ZBTB1: variants seen among roughly 807,000 people sequenced by gnomAD.
The protein encoded by ZBTB1 is zinc finger and BTB domain-containing protein 1.
Under a neutral mutation model 51.6 loss-of-function variants are expected in ZBTB1, and 13 were observed. The ratio of observed to expected loss-of-function variants is 0.25; its 90% CI spans 0.16 to 0.40. The LOEUF (loss-of-function observed/expected upper bound fraction) is 0.40. Among genes scored for constraint, ZBTB1 ranks in the 10% least tolerant of loss-of-function variants. The pLI, the probability that ZBTB1 is intolerant of heterozygous loss-of-function variation, is 1.00. For synonymous variants in ZBTB1, 240 were observed against 282.2 expected (o/e 0.85, Z 1.50); for missense variants, 567 against 856.5 (o/e 0.66, Z 4.22).
rs1228523268 is a variant in ZBTB1, at chr14:64,524,833, A to AT, written c.*1193dup. 9.1e-6 allele frequency: 9 copies of AT among 984,026 alleles called. No homozygotes were observed. Among genetic ancestry groups the AT allele is most frequent in the African/African-American group, 3.5e-5 (2 of 57,186 alleles). The allele number at this position is 984,026 out of a possible 1,614,324, so 61.0% of individuals were successfully genotyped here. A position where few individuals can be genotyped will look rare whatever the true frequency, so the allele number is the denominator to read the frequency against. On this transcript the variant is annotated 3_prime_UTR_variant, in exon 2 of 2. Transcript: ENST00000683701. ...AGTATATCAATGGAAACAGTTTATC[A>AT]TTTTTTCAGTTAAAGTAGTAGTATT...
chr14:64,506,761 A>C (rs2140075023), intron 1 of ZBTB1, among the ~76,000 whole-genome samples: 1 of 152,302 alleles, frequency 6.6e-6, no homozygotes, highest in East Asian at 1.9e-4. Flanking sequence ...TCCCACTCCT[A>C]ATACGATGGC....
At chr14:64,515,607 G>A (rs1279052649) in intron 1 of ZBTB1, among the ~76,000 whole-genome samples, 3 of 149,110 alleles carry the variant, frequency 2.0e-5, no homozygotes, top group East Asian at 2.0e-4. Context: ...TGTAAGCTCC[G>A]CCTCCCGAGT....
chr14:64,512,553 ATAT>A (rs2079736325), intron 1 of ZBTB1, among the ~76,000 whole-genome samples: 1 of 152,202 alleles, frequency 6.6e-6, no homozygotes, highest in South Asian at 2.1e-4. Context: ...GCCACCATTT[ATAT>A]TATTGTTTCT....
chr14:64,505,009 CCG>C (rs1257905936), intron 1 of ZBTB1, 63 bp downstream of exon 1: 1 of 388,714 alleles, frequency 2.6e-6, no homozygotes, highest in African/African-American at 2.1e-5. Flanking sequence ...GGGCGACGGG[CCG>C]CGGGCCTGGC....
intron 1 of ZBTB1, among the ~76,000 whole-genome samples, chr14:64,506,112 A>G (rs555311155): frequency 3.4e-4 from 52 of 152,368 alleles, no homozygotes; most frequent in Admixed American, 5.2e-4. Context: ...GGCTTGAATG[A>G]TGGCTGGCCA....
Position 64,524,528 on chromosome 14 carries a change from G to C in ZBTB1, c.*882G>C. 2.0e-6 allele frequency: 2 copies of C among 978,542 alleles called. No homozygotes were observed. The highest frequency in any genetic ancestry group is 2.4e-6 in the Non-Finnish European group (2 of 823,808). The allele number at this position is 978,542 out of a possible 1,614,324, so 60.6% of individuals were successfully genotyped here. A position where few individuals can be genotyped will look rare whatever the true frequency, so the allele number is the denominator to read the frequency against. The stretch of plus-strand genomic sequence containing the variant: ...TAAATAGACTTTAATAGCTCTCTAA[G>C]AATATGACCTCTAAAGGAAAAGATG... On this transcript the variant is annotated 3_prime_UTR_variant, in exon 2 of 2. Transcript: ENST00000683701.
Position 64,521,647 on chromosome 14 carries a change from A to G in ZBTB1, c.143A>G (p.Tyr48Cys). 2 of 1,614,190 alleles carry G rather than the reference A, an allele frequency of 1.2e-6. No homozygotes were observed. Among genetic ancestry groups the G allele is most frequent in the East Asian group, 2.2e-5 (1 of 44,886 alleles). ...HKAVLAACSS[Y>C]FRMFFMNHQH... ...GCAGTTCTAGCTGCCTGTAGCTCCTATTTTAGAATGTTTTTCATGAACCAT... is the reference window on the plus strand; with the variant it reads ...GCAGTTCTAGCTGCCTGTAGCTCCTGTTTTAGAATGTTTTTCATGAACCAT... Residue 48 changes from tyrosine to cysteine, a missense_variant, in exon 2 of 2, where the codon TAT (tyrosine) becomes TGT (cysteine). Physicochemically the swap from Tyr to Cys is radical, Grantham distance 194 (BLOSUM62 -2). This residue lies in a region of ZBTB1 where 69 missense variants were observed against 136.4 expected (regional missense o/e 0.51). Coordinates refer to ENST00000683701, the MANE Select transcript of ZBTB1 (RefSeq NM_001123329.2).
chr14:64,508,108 T>A (rs1191215644), intron 1 of ZBTB1, among the ~76,000 whole-genome samples: 1 of 152,148 alleles, frequency 6.6e-6, no homozygotes, highest in Admixed American at 6.5e-5. Flanking sequence ...TGTGAAGAAG[T>A]TGATGATGAT....
At chr14:64,515,444 C>CA (rs1247395369) in intron 1 of ZBTB1, among the ~76,000 whole-genome samples, 2 of 149,546 alleles carry the variant, frequency 1.3e-5, no homozygotes, top group South Asian at 2.1e-4. Context: ...ATAAAGAGGT[C>CA]AAAAAAATGA....
chr14:64,510,801 T>G (rs185134323), intron 1 of ZBTB1, among the ~76,000 whole-genome samples: 114 of 152,326 alleles, frequency 7.5e-4, no homozygotes, highest in African/African-American at 2.7e-3. Context: ...TGATTTTTCT[T>G]CTTCATGAAT....
At chr14:64,512,940 ATTGCCTG>A (rs758108326) in intron 1 of ZBTB1, among the ~76,000 whole-genome samples, 1 of 152,134 alleles carries the variant, frequency 6.6e-6, no homozygotes, top group African/African-American at 2.4e-5. Flanking sequence ...TTAGAGTCAT[ATTGCCTG>A]TGTTCTAATC....
rs763667390 is a variant in ZBTB1 at position 64,523,235 on chromosome 14, G to A, written c.1731G>A (p.Lys577=). Residue 577 remains lysine, a synonymous_variant, in exon 2 of 2, where the codon AAG becomes AAA. Coordinates refer to ENST00000683701, the MANE Select transcript of ZBTB1 (RefSeq NM_001123329.2). This position sits in a 1 kb window ranked among gnomAD's most constrained non-coding sequence, Gnocchi z 4.5. Reference sequence around the variant, plus strand: ...AAAATGAAAGAGATCACAGACGAAAGCATTTTTGTAATCTGTGTGGAAAAG... The same window carrying A: ...AAAATGAAAGAGATCACAGACGAAAACATTTTTGTAATCTGTGTGGAAAAG... ...MEENERDHRR[K]HFCNLCGKGF... 1 of 1,614,162 alleles carries A rather than the reference G, an allele frequency of 6.2e-7. No individual in the cohort carries two copies. The highest frequency in any genetic ancestry group is 1.1e-5 in the South Asian group (1 of 91,084).
chr14:64,523,854 T>C lies in ZBTB1; in HGVS notation c.*208T>C, dbSNP rs1230088565. 8.0e-7 allele frequency: 1 copy of C among 1,248,482 alleles called. No homozygotes were observed. Among genetic ancestry groups the C allele is most frequent in the African/African-American group, 1.6e-5 (1 of 64,184 alleles). 77.3% of individuals were successfully genotyped at this position (1,248,482 alleles called of 1,614,324 possible). A position where few individuals can be genotyped will look rare whatever the true frequency, so the allele number is the denominator to read the frequency against. ...TTTTTGTTGTTTCTTAATAGAATTA[T>C]TTGTTTTTAGTTTTTCTTAGCTATG... On this transcript the variant is annotated 3_prime_UTR_variant, in exon 2 of 2. Coordinates refer to ENST00000683701, the MANE Select transcript of ZBTB1 (RefSeq NM_001123329.2). This position sits in a 1 kb window ranked among gnomAD's most constrained non-coding sequence, Gnocchi z 4.5.
At chr14:64,513,664 T>G (rs140950265) in intron 1 of ZBTB1, among the ~76,000 whole-genome samples, 48 of 152,244 alleles carry the variant, frequency 3.2e-4, no homozygotes, top group African/African-American at 1.1e-3. Context: ...TTATTTTTAT[T>G]TTTATTTTTA....
At chr14:64,515,291 T>C (rs1010959617) in intron 1 of ZBTB1, among the ~76,000 whole-genome samples, 2 of 152,212 alleles carry the variant, frequency 1.3e-5, no homozygotes, top group Non-Finnish European at 2.9e-5. Flanking sequence ...CTACCAGTGA[T>C]GCAGCTAGTA....
In ZBTB1 at chr14:64,523,514, A is replaced by G. The variant is rs770430147; in HGVS notation, c.2010A>G (p.Ile670Met). 1.9e-4 allele frequency: 312 copies of G among 1,600,480 alleles called. No homozygotes were observed. Among genetic ancestry groups the G allele is most frequent in the Non-Finnish European group, 2.4e-4 (276 of 1,172,878 alleles). The change falls in exon 2 of 2, where the codon ATA becomes ATG. Residue 670 changes from isoleucine to methionine, a missense_variant. Physicochemically the swap from Ile to Met is conservative, Grantham distance 10. This residue lies in a region of ZBTB1 where 69 missense variants were observed against 171.8 expected (regional missense o/e 0.40). Coordinates refer to ENST00000683701, the MANE Select transcript of ZBTB1 (RefSeq NM_001123329.2). The surrounding 1 kb of genome is among the most constrained non-coding windows in gnomAD (Gnocchi z 4.5). Reference sequence around the variant, plus strand: ...CTATATGCCAGGTCTGCTTTCAGATATTCCCAAATAATGAACAGTTGGAGC... The same window carrying G: ...CTATATGCCAGGTCTGCTTTCAGATGTTCCCAAATAATGAACAGTTGGAGC... ...GETICQVCFQ[I>M]FPNNEQLEQH...
chr14:64,530,433 A>C (rs1032339049), intron 2 of ZBTB1, among the ~76,000 whole-genome samples: 2 of 151,816 alleles, frequency 1.3e-5, no homozygotes, highest in African/African-American at 4.8e-5. Context: ...ACATGATGAA[A>C]CCTCTCTACT....
chr14:64,522,053 T>C lies in ZBTB1; in HGVS notation c.549T>C (p.Gly183=), dbSNP rs1220505899. Residue 183 remains glycine (G), a synonymous_variant, in exon 2 of 2, where the codon GGT becomes GGC. Transcript: ENST00000683701. ...READEESLQL[G]NFPEPLFDVC... is the part of the protein sequence containing the mutation. ...CTGATGAAGAGTCTTTACAATTAGG[T>C]AATTTTCCTGAGCCACTATTTGATG... is the stretch of plus-strand genomic sequence containing the variant. 1 of 1,614,196 alleles carries C rather than the reference T, an allele frequency of 6.2e-7. No individual in the cohort carries two copies. The highest frequency in any genetic ancestry group is 1.7e-5 in the Admixed American group (1 of 60,032).
In ZBTB1 at chr14:64,523,035, T is replaced by G; in HGVS notation, c.1531T>G (p.Phe511Val). 6.2e-7 allele frequency: 1 copy of G among 1,614,168 alleles called. No individual in the cohort carries two copies. Residue 511 changes from phenylalanine (F) to valine (V), a missense_variant, in exon 2 of 2, where the codon TTT (phenylalanine) becomes GTT (valine). Physicochemically the swap from Phe to Val is conservative, Grantham distance 50 (BLOSUM62 -1). This residue lies in a region of ZBTB1 where 329 missense variants were observed against 406.3 expected (regional missense o/e 0.81). Transcript: ENST00000683701. The surrounding 1 kb of genome is among the most constrained non-coding windows in gnomAD (Gnocchi z 4.5). Reference protein sequence around the residue: ...RDMFVEMLDDFRDNHYQINSI... With the variant: ...RDMFVEMLDDVRDNHYQINSI... Reference sequence around the variant, plus strand: ...TATGTTTGTTGAAATGCTGGATGATTTTAGGGACAATCATTACCAGATAAA... The same window carrying G: ...TATGTTTGTTGAAATGCTGGATGATGTTAGGGACAATCATTACCAGATAAA...
Sources: gnomAD v4.1 joint callset for allele counts (sites outside exome capture counted in the v4.1 genomes callset) on GRCh38, gnomAD v4.1.1 for gene constraint, gnomAD v4.1.1 regional missense constraint, Gnocchi (gnomAD v3.1) non-coding constraint, MANE v1.5 for transcripts, NCBI Gene and HGNC (gene_info 2026-07-23, HGNC 2026-07-21) for gene names.